EXOC4: variants seen among roughly 807,000 people sequenced by gnomAD.
The protein encoded by EXOC4 is exocyst complex component 4, also known as SEC8-like 1.
EXOC4 carries 71 observed loss-of-function variants against 107.2 expected under a neutral mutation model. The ratio of observed to expected loss-of-function variants is 0.66; its 90% CI spans 0.55 to 0.81. EXOC4 has a LOEUF of 0.81. Among genes scored for constraint, EXOC4 ranks in the 30% least tolerant of loss-of-function variants. The pLI is 0.00. For synonymous variants in EXOC4, 456 were observed against 441.2 expected (o/e 1.03, Z -0.42); for missense variants, 1,108 against 1,189.6 (o/e 0.93, Z 1.01).
At chr7:133,686,405 A>G (rs1794298665) in intron 10 of EXOC4, among the ~76,000 whole-genome samples, 1 of 152,156 alleles carries the variant, frequency 6.6e-6, no homozygotes, top group South Asian at 2.1e-4. Flanking sequence ...TGAAAACCCG[A>G]TAGTCCTATA....
intron 9 of EXOC4, among the ~76,000 whole-genome samples, chr7:133,619,470 A>G (rs1802274817): frequency 6.6e-6 from 1 of 152,202 alleles, no homozygotes; most frequent in Admixed American, 6.5e-5. Flanking sequence ...ACAAAACAAG[A>G]TTGATAGGCT....
At chr7:134,049,843 G>A (rs1795741863) in intron 17 of EXOC4, among the ~76,000 whole-genome samples, 1 of 152,108 alleles carries the variant, frequency 6.6e-6, no homozygotes, top group Non-Finnish European at 1.5e-5. Flanking sequence ...ACTTCGAAAG[G>A]GACTATATAA....
intron 11 of EXOC4, among the ~76,000 whole-genome samples, chr7:133,882,910 AT>A (rs1400164301): frequency 2.0e-5 from 3 of 152,088 alleles, no homozygotes; most frequent in Admixed American, 6.5e-5. Flanking sequence ...ATAACTTTAA[AT>A]TTTTTTCTTT....
chr7:133,481,854 G>A (rs1484749407), intron 9 of EXOC4, among the ~76,000 whole-genome samples: 2 of 152,182 alleles, frequency 1.3e-5, no homozygotes, highest in Non-Finnish European at 2.9e-5. Context: ...GGAGGAGGGT[G>A]ACTCATGCTC....
At chr7:133,800,082 A>G (rs1796905183) in intron 10 of EXOC4, among the ~76,000 whole-genome samples, 1 of 122,206 alleles carries the variant, frequency 8.2e-6, no homozygotes, top group Non-Finnish European at 1.5e-5. Flanking sequence ...CTCCCTCTCT[A>G]CATTTATACT....
intron 9 of EXOC4, among the ~76,000 whole-genome samples, chr7:133,563,628 G>A (rs1371642130): frequency 6.6e-6 from 1 of 151,948 alleles, no homozygotes; most frequent in African/African-American, 2.4e-5. Context: ...TGTGTAGCTC[G>A]AGTAGGAGGT....
chr7:133,929,310 G>C (rs1800123387), intron 13 of EXOC4, among the ~76,000 whole-genome samples: 1 of 151,972 alleles, frequency 6.6e-6, no homozygotes, highest in South Asian at 2.1e-4. Context: ...AGGACAGTGG[G>C]GTCACTACTG....
At chr7:133,425,718 T>C (rs1398970463) in intron 7 of EXOC4, among the ~76,000 whole-genome samples, 1 of 152,202 alleles carries the variant, frequency 6.6e-6, no homozygotes, top group East Asian at 1.9e-4. Context: ...AGAAACATTT[T>C]ACACCTTATT....
At chr7:133,584,565 C>T (rs949419966) in intron 9 of EXOC4, among the ~76,000 whole-genome samples, 9 of 122,808 alleles carry the variant, frequency 7.3e-5, no homozygotes, top group African/African-American at 1.7e-4. Flanking sequence ...TTGTTTTTTA[C>T]GTATTTCAGT....
chr7:133,301,773 C>T (rs1794646173), intron 3 of EXOC4, among the ~76,000 whole-genome samples: 1 of 152,072 alleles, frequency 6.6e-6, no homozygotes, highest in Non-Finnish European at 1.5e-5. Context: ...CTCACCTCAA[C>T]TAGAAAAATA....
At chr7:134,016,160 G>A (rs1020912830) in intron 17 of EXOC4, among the ~76,000 whole-genome samples, 2 of 152,162 alleles carry the variant, frequency 1.3e-5, no homozygotes, top group Non-Finnish European at 1.5e-5. Context: ...GTTGTGGTGA[G>A]TATAAGATGG....
chr7:134,099,561 T>C, the EXOC4 span, among the ~76,000 whole-genome samples: 1 of 132,560 alleles, frequency 7.5e-6, no homozygotes, highest in African/African-American at 2.8e-5. Flanking sequence ...TGAGACAGTC[T>C]CGCTGTCACC....
At chr7:133,445,003 T>C (rs1798186439) in intron 7 of EXOC4, among the ~76,000 whole-genome samples, 1 of 152,186 alleles carries the variant, frequency 6.6e-6, no homozygotes, top group African/African-American at 2.4e-5. Context: ...GATTTTTTGT[T>C]GAATGAGGCA....
At chr7:133,465,945 G>A (rs190565812) in intron 7 of EXOC4, among the ~76,000 whole-genome samples, 8 of 152,142 alleles carry the variant, frequency 5.3e-5, no homozygotes, top group African/African-American at 1.7e-4. Context: ...AGATCAGCCT[G>A]GCCACCATGG....
At chr7:133,530,844 T>G (rs937552559) in intron 9 of EXOC4, among the ~76,000 whole-genome samples, 2 of 152,188 alleles carry the variant, frequency 1.3e-5, no homozygotes, top group African/African-American at 4.8e-5. Flanking sequence ...ATGTGAAGGA[T>G]TGCAGTTCAC....
chr7:133,253,495 T>G, intron 1 of EXOC4: 1 of 1,099,282 alleles, frequency 9.1e-7, no homozygotes, highest in Non-Finnish European at 1.1e-6. Context: ...GGTGTAAAGG[T>G]GTGTTTATTG....
intron 10 of EXOC4, among the ~76,000 whole-genome samples, chr7:133,676,785 C>A (rs1794067446): frequency 6.6e-6 from 1 of 151,832 alleles, no homozygotes. Flanking sequence ...TCCTATTTTT[C>A]TGGTCATTTT....
chr7:133,480,160 GA>G (rs1799119851), intron 9 of EXOC4, 22 bp downstream of exon 9: 1 of 1,612,230 alleles, frequency 6.2e-7, no homozygotes, highest in South Asian at 1.1e-5. Context: ...AGCTTCTCTG[GA>G]AAAATTAATT....
chr7:134,084,396 C>G, the EXOC4 span, among the ~76,000 whole-genome samples: 1 of 152,016 alleles, frequency 6.6e-6, no homozygotes, highest in Non-Finnish European at 1.5e-5. Flanking sequence ...GAGGAGTGGC[C>G]AAAAGTGAGA....
Sources: allele counts gnomAD v4.1 joint callset (sites outside exome capture counted in the v4.1 genomes callset), GRCh38; gene constraint gnomAD v4.1.1; transcripts MANE v1.5; gene names NCBI Gene and HGNC (gene_info 2026-07-23, HGNC 2026-07-21).